Variants in ARMC9 observed in about 807,000 individuals in gnomAD.
ARMC9 encodes armadillo repeat containing 9, also known as lisH domain-containing protein ARMC9.
Under a neutral mutation model 107.0 loss-of-function variants are expected in ARMC9, and 94 were observed. That is an observed-to-expected ratio of 0.88 (90% CI 0.74 to 1.04). The LOEUF (loss-of-function observed/expected upper bound fraction) is 1.04, where lower values mean the gene tolerates loss of function less well. ARMC9 is among the 50% of genes least tolerant of loss of function. The pLI is 0.00. For synonymous variants in ARMC9, 380 were observed against 396.9 expected (o/e 0.96, Z 0.51); for missense variants, 942 against 1,030.1 (o/e 0.91, Z 1.17).
In ARMC9 at chr2:231,262,399, G is replaced by A. The variant is rs1190417376; in HGVS notation, c.1119+1G>A. The stretch of plus-strand genomic sequence containing the variant: ...CTTGGACTGTTATAGCCACAACCAG[G>A]TTGGTAAGAGGTGGGGCCAGATCCC... On this transcript the variant is annotated splice_donor_variant, in intron 12 of 24. Transcript: ENST00000611582. LOFTEE classifies it high-confidence loss of function. The A allele has an allele frequency of 6.2e-7, 1 of 1,613,864 alleles. No homozygotes were observed. Among genetic ancestry groups the A allele is most frequent in the East Asian group, 2.2e-5 (1 of 44,874 alleles).
At chr2:231,326,821 G>C (rs534964847) in intron 19 of ARMC9, among the ~76,000 whole-genome samples, 76 of 152,294 alleles carry the variant, frequency 5.0e-4, no homozygotes, top group African/African-American at 6.5e-4. Flanking sequence ...ATGAAGACAG[G>C]GTACTCATTT....
chr2:231,248,147 G>A (rs2036943472), intron 9 of ARMC9, among the ~76,000 whole-genome samples: 1 of 152,156 alleles, frequency 6.6e-6, no homozygotes, highest in African/African-American at 2.4e-5. Flanking sequence ...AGACACTCCA[G>A]GGAACACCTG....
intron 19 of ARMC9, among the ~76,000 whole-genome samples, chr2:231,313,415 C>T (rs539758995): frequency 5.3e-5 from 8 of 152,164 alleles, no homozygotes; most frequent in Admixed American, 3.3e-4. Context: ...TAATCCAGTC[C>T]GACAATCTGC....
intron 8 of ARMC9, among the ~76,000 whole-genome samples, chr2:231,235,619 C>G (rs1457832674): frequency 1.3e-5 from 2 of 152,132 alleles, no homozygotes; most frequent in East Asian, 3.8e-4. Context: ...TCTGCCATAT[C>G]TTTATTTCTC....
chr2:231,301,676 T>G (rs930862811), intron 19 of ARMC9, among the ~76,000 whole-genome samples: 2 of 152,128 alleles, frequency 1.3e-5, no homozygotes, highest in African/African-American at 4.8e-5. Context: ...TTTTTTAAAA[T>G]TTTTTTTAAG....
intron 19 of ARMC9, among the ~76,000 whole-genome samples, chr2:231,330,116 GC>G (rs1383331976): frequency 6.6e-6 from 1 of 151,994 alleles, no homozygotes; most frequent in Non-Finnish European, 1.5e-5. Context: ...CTATGTGTCT[GC>G]CCCTCTGCCA....
chr2:231,288,269 A>G (rs2040744086), intron 17 of ARMC9, among the ~76,000 whole-genome samples: 1 of 152,236 alleles, frequency 6.6e-6, no homozygotes, highest in African/African-American at 2.4e-5. Flanking sequence ...TTATCAGTAT[A>G]TTCTGAGTTA....
At chr2:231,202,823 C>G (rs2031283265) in intron 1 of ARMC9, among the ~76,000 whole-genome samples, 1 of 152,138 alleles carries the variant, frequency 6.6e-6, no homozygotes, top group Non-Finnish European at 1.5e-5. Context: ...CACCCTCTTA[C>G]AATGGGCCTC....
intron 14 of ARMC9, among the ~76,000 whole-genome samples, chr2:231,274,142 G>T (rs1486422468): frequency 2.0e-5 from 3 of 152,064 alleles, no homozygotes; most frequent in Non-Finnish European, 4.4e-5. Context: ...TTTTGAGATG[G>T]AGTCTCACTC....
intron 6 of ARMC9, among the ~76,000 whole-genome samples, chr2:231,223,472 G>A (rs928662838): frequency 1.3e-5 from 2 of 152,076 alleles, no homozygotes; most frequent in Non-Finnish European, 2.9e-5. Flanking sequence ...TTTCCCAAAG[G>A]TTATTAGTTT....
intron 24 of ARMC9, chr2:231,370,948 G>A (rs527250025): frequency 4.9e-6 from 2 of 407,446 alleles, no homozygotes; most frequent in East Asian, 1.6e-4. Flanking sequence ...CCAGGCCCTG[G>A]GCGCTCTGGT....
intron 7 of ARMC9, among the ~76,000 whole-genome samples, chr2:231,232,435 T>TGTA (rs1182331378): frequency 6.6e-6 from 1 of 151,448 alleles, no homozygotes; most frequent in Non-Finnish European, 1.5e-5. Context: ...AAGTACTGGA[T>TGTA]GTAAATTCAT....
chr2:231,321,423 C>T (rs905930166), intron 19 of ARMC9, among the ~76,000 whole-genome samples: 1 of 152,206 alleles, frequency 6.6e-6, no homozygotes, highest in Non-Finnish European at 1.5e-5. Context: ...TAGCAGCAGC[C>T]TGGGAGTTTT....
At chr2:231,347,212 G>A (rs2125585567) in intron 21 of ARMC9, among the ~76,000 whole-genome samples, 1 of 152,316 alleles carries the variant, frequency 6.6e-6, no homozygotes, top group African/African-American at 2.4e-5. Flanking sequence ...CAGGTAATGA[G>A]GGCAGCTCAT....
In ARMC9 at chr2:231,291,342, A is replaced by G. The variant is rs1409861641; in HGVS notation, c.1627-11A>G. 1 of 1,610,242 alleles carries G rather than the reference A, an allele frequency of 6.2e-7. No homozygotes were observed. Among genetic ancestry groups the G allele is most frequent in the Non-Finnish European group, 8.5e-7 (1 of 1,177,006 alleles). On this transcript the variant is annotated splice_polypyrimidine_tract_variant and intron_variant, in intron 17 of 24. Coordinates refer to ENST00000611582, the MANE Select transcript of ARMC9 (RefSeq NM_001352754.2). ...TGAAATGTTAACTATTACTTTCGCCAATACTTCTAGGGAATGGAAGACATC... is the reference window on the plus strand; with the variant it reads ...TGAAATGTTAACTATTACTTTCGCCGATACTTCTAGGGAATGGAAGACATC...
At chr2:231,216,566 G>GA in intron 4 of ARMC9, 72 bp from the exon 5 acceptor site, 9 of 1,506,850 alleles carry the variant, frequency 6.0e-6, no homozygotes, top group Non-Finnish European at 8.1e-6. Flanking sequence ...GAGCCTCAGA[G>GA]AGAGGATGGG....
At chr2:231,242,852 C>T (rs1171910311) in intron 9 of ARMC9, among the ~76,000 whole-genome samples, 2 of 152,156 alleles carry the variant, frequency 1.3e-5, no homozygotes, top group African/African-American at 4.8e-5. Flanking sequence ...GTGGCGCACA[C>T]CTGTAATCCC....
chr2:231,223,784 G>C (rs2034379602), intron 6 of ARMC9, among the ~76,000 whole-genome samples: 1 of 152,140 alleles, frequency 6.6e-6, no homozygotes, highest in Non-Finnish European at 1.5e-5. Flanking sequence ...CGAACGGACT[G>C]ATCTACAGCT....
chr2:231,316,064 G>A (rs2042655883), intron 19 of ARMC9, among the ~76,000 whole-genome samples: 1 of 151,870 alleles, frequency 6.6e-6, no homozygotes, highest in African/African-American at 2.4e-5. Context: ...TTCCTCTTTT[G>A]TGCTCTTGTT....
Sources: gnomAD v4.1 joint callset for allele counts (sites outside exome capture counted in the v4.1 genomes callset) on GRCh38, gnomAD v4.1.1 for gene constraint, MANE v1.5 for transcripts, NCBI Gene and HGNC (gene_info 2026-07-23, HGNC 2026-07-21) for gene names.